The following OPHN1 variants were observed in gnomAD, a reference collection of about 807,000 sequenced individuals.
The protein encoded by OPHN1 is oligophrenin 1.
OPHN1 carries 11 observed loss-of-function variants against 60.7 expected under a neutral mutation model. The observed-to-expected ratio is 0.18, with a 90% CI of 0.11 to 0.30. The LOEUF (loss-of-function observed/expected upper bound fraction) is 0.30. Among genes scored for constraint, OPHN1 ranks in the 10% least tolerant of loss-of-function variants. OPHN1 has a pLI of 1.00. For missense variants in OPHN1, 449 were observed against 611.0 expected, an observed-to-expected ratio of 0.73 and a Z score of 2.80; for synonymous variants, 226 against 222.6, an observed-to-expected ratio of 1.02 and a Z score of -0.14.
chrX:68,423,545 C>A (rs1328316922), intron 2 of OPHN1, among the ~76,000 whole-genome samples: 1 of 110,112 alleles, frequency 9.1e-6, no homozygotes, highest in Non-Finnish European at 1.9e-5. Context: ...ATGTTCATGA[C>A]CCCAAAGAGA....
At chrX:68,276,482 C>CA (rs1027829728) in intron 4 of OPHN1, among the ~76,000 whole-genome samples, 13 of 109,724 alleles carry the variant, frequency 1.2e-4, no homozygotes, top group East Asian at 8.5e-4. Context: ...ATTATGGTAT[C>CA]AAAAAAAAAT....
At chrX:68,049,777 AC>A (rs2076844974) in intron 23 of OPHN1, among the ~76,000 whole-genome samples, 1 of 111,196 alleles carries the variant, frequency 9.0e-6, no homozygotes, top group Non-Finnish European at 1.9e-5. Context: ...TTCTGGTCTC[AC>A]CCCCAGCTAA....
At chrX:68,231,037 A>T (rs1334369009) in intron 6 of OPHN1, among the ~76,000 whole-genome samples, 2 of 111,999 alleles carry the variant, frequency 1.8e-5, no homozygotes, top group Middle Eastern at 4.2e-3. Flanking sequence ...TAAGTAAGAG[A>T]GTAAATACAC....
chrX:68,133,232 T>G, intron 15 of OPHN1: 2 of 706,809 alleles, frequency 2.8e-6, no homozygotes, highest in South Asian at 4.4e-5. Context: ...AGGTTCCTCA[T>G]GGATGAAGAA....
intron 2 of OPHN1, among the ~76,000 whole-genome samples, chrX:68,353,348 C>T (rs981216207): frequency 1.0e-5 from 1 of 99,169 alleles, no homozygotes; most frequent in Non-Finnish European, 2.0e-5. Context: ...GCGAGTAGAT[C>T]ACCTGAGGTC....
intron 2 of OPHN1, among the ~76,000 whole-genome samples, chrX:68,396,772 G>A (rs917014419): frequency 1.8e-5 from 2 of 111,196 alleles, no homozygotes; most frequent in Non-Finnish European, 3.8e-5. Flanking sequence ...CCGAGATCAC[G>A]CCACTGCACT....
intron 2 of OPHN1, among the ~76,000 whole-genome samples, chrX:68,378,979 G>A (rs1413200005): frequency 4.5e-5 from 5 of 110,718 alleles, no homozygotes; most frequent in Non-Finnish European, 9.5e-5. Context: ...GAAAGTCATT[G>A]GTAGCTTGAT....
chrX:68,405,849 T>C (rs1404283937), intron 2 of OPHN1, among the ~76,000 whole-genome samples: 1 of 111,356 alleles, frequency 9.0e-6, no homozygotes, highest in Non-Finnish European at 1.9e-5. Context: ...AGATATTATA[T>C]AAAGGGCAAT....
intron 2 of OPHN1, among the ~76,000 whole-genome samples, chrX:68,371,905 C>T (rs1028079007): frequency 2.1e-4 from 23 of 111,721 alleles, no homozygotes; most frequent in Admixed American, 1.4e-3. Flanking sequence ...CCACCATACC[C>T]GGCTAATTTT....
At chrX:68,317,384 G>GAAGAAAGA (rs2078208003) in intron 2 of OPHN1, among the ~76,000 whole-genome samples, 2 of 26,366 alleles carry the variant, frequency 7.6e-5, no homozygotes, top group African/African-American at 2.6e-4. Flanking sequence ...AGAAAGGAAG[G>GAAGAAAGA]AAGGAAGGAA....
chrX:68,252,257 A>G (rs2077839633), intron 5 of OPHN1, among the ~76,000 whole-genome samples: 1 of 112,510 alleles, frequency 8.9e-6, no homozygotes, highest in African/African-American at 3.2e-5. Context: ...CCAGAAATAA[A>G]TGCTTATTGC....
chrX:68,143,464 G>A (rs184770757), intron 15 of OPHN1, among the ~76,000 whole-genome samples: 207 of 110,947 alleles, frequency 1.9e-3, no homozygotes, highest in African/African-American at 5.4e-3. Flanking sequence ...TGGGAAACGG[G>A]TACCTTGGTG....
chrX:68,388,065 T>C (rs2078633548), intron 2 of OPHN1, among the ~76,000 whole-genome samples: 2 of 106,744 alleles, frequency 1.9e-5, no homozygotes, highest in South Asian at 8.4e-4. Context: ...CAAAAAGCAG[T>C]TTGGTGGGTG....
At chrX:68,083,754 T>C (rs1569207259) in intron 19 of OPHN1, among the ~76,000 whole-genome samples, 1 of 112,204 alleles carries the variant, frequency 8.9e-6, no homozygotes, top group African/African-American at 3.2e-5. Flanking sequence ...CTTCTTTCAC[T>C]TGCATACTTA....
intron 19 of OPHN1, among the ~76,000 whole-genome samples, chrX:68,084,378 C>G: frequency 1.5e-5 from 1 of 67,345 alleles, no homozygotes; most frequent in Non-Finnish European, 2.7e-5. Context: ...GAGGGAGGAA[C>G]GGAGGGAACG....
rs199794620 is a variant in OPHN1 at position 68,210,137 on chromosome X, C to T, written c.832+16G>A. ...GCTTATTGAAACCCAATGGATACCC[C>T]TATGTCCCCACACACATTTCTCTTG... On this transcript the variant is annotated intron_variant, in intron 9 of 24. Transcript: ENST00000355520. 1.7e-3 allele frequency: 2,029 copies of T among 1,207,550 alleles called. 2 individuals are homozygous for T. Among genetic ancestry groups the T allele is most frequent in the Non-Finnish European group, 2.1e-3 (1,916 of 894,036 alleles).
chrX:68,396,943 G>A (rs983755433), intron 2 of OPHN1, among the ~76,000 whole-genome samples: 5 of 111,844 alleles, frequency 4.5e-5, no homozygotes, highest in South Asian at 3.8e-4. Flanking sequence ...TCCCCCCAGG[G>A]GCATAGGACT....
Position 68,201,550 on chromosome X carries a change from A to T in OPHN1, c.1025+69T>A, listed in dbSNP as rs965373912. 5 of 901,240 alleles carry T rather than the reference A, an allele frequency of 5.5e-6. No homozygotes were observed. The African/African-American group carries it at 7.8e-5, about 14-fold the overall frequency. The allele number at this position is 901,240 out of a possible 1,213,427, so 74.3% of individuals were successfully genotyped here. A position where few individuals can be genotyped will look rare whatever the true frequency, so the allele number is the denominator to read the frequency against. On this transcript the variant is annotated intron_variant, in intron 11 of 24. Transcript: ENST00000355520. ...CATCAACGTGGGATGACGGAGGAAA[A>T]TAAAAGACCTACCCAGGCTAAGCAT... is the stretch of plus-strand genomic sequence containing the variant.
chrX:68,101,217 T>C (rs1361933623), intron 18 of OPHN1, among the ~76,000 whole-genome samples: 5 of 112,398 alleles, frequency 4.4e-5, no homozygotes, highest in African/African-American at 1.6e-4. Context: ...AGTAATTTCA[T>C]TGTCATATCA....
Sources: allele counts gnomAD v4.1 joint callset (sites outside exome capture counted in the v4.1 genomes callset), GRCh38; gene constraint gnomAD v4.1.1; transcripts MANE v1.5; gene names NCBI Gene and HGNC (gene_info 2026-07-23, HGNC 2026-07-21).